The following MTBP variants were observed in gnomAD, a reference collection of about 807,000 sequenced individuals.
The protein encoded by MTBP is mdm2-binding protein.
In MTBP, 101 loss-of-function variants were observed where a neutral mutation model predicts 117.0. That is an observed-to-expected ratio of 0.86 (90% CI 0.73 to 1.02). The LOEUF (loss-of-function observed/expected upper bound fraction) is 1.02, where lower values mean the gene tolerates loss of function less well. Ranked by LOEUF, MTBP falls within the 50% of genes least tolerant of loss-of-function variation. The pLI, the probability that MTBP is intolerant of heterozygous loss-of-function variation, is 0.00. For synonymous variants in MTBP, 350 were observed against 351.5 expected (o/e 1.00, Z 0.05); for missense variants, 970 against 1,030.9 (o/e 0.94, Z 0.81).
At chr8:120,451,857 A>G (rs1255871563) in intron 4 of MTBP, 2 of 152,846 alleles carry the variant, frequency 1.3e-5, no homozygotes, top group Non-Finnish European at 2.9e-5. Flanking sequence ...TGCTGGGAGT[A>G]CAGCTGTGAG....
chr8:120,507,238 G>A (rs1268393698), intron 16 of MTBP, among the ~76,000 whole-genome samples: 1 of 152,040 alleles, frequency 6.6e-6, no homozygotes, highest in Non-Finnish European at 1.5e-5. Flanking sequence ...CTCAGCATGA[G>A]CATTGTCAGG....
chr8:120,452,639 GC>G (rs1813380027), intron 4 of MTBP: 1 of 151,960 alleles, frequency 6.6e-6, no homozygotes, highest in African/African-American at 2.4e-5. Flanking sequence ...GACCAGCCTG[GC>G]TAACATGGTG....
In MTBP at chr8:120,461,303, G is replaced by T. The variant is rs1316077125; in HGVS notation, c.977+48G>T. The stretch of plus-strand genomic sequence containing the variant: ...ATTTTAGATTACATTTTCTGTGTCA[G>T]GTAGAATGTTCTGGTATTGTCAGGT... On this transcript the variant is annotated intron_variant, in intron 9 of 21. Coordinates refer to ENST00000305949, the MANE Select transcript of MTBP (RefSeq NM_022045.5). 3.0e-6 allele frequency: 4 copies of T among 1,316,744 alleles called. No individual in the cohort carries two copies. The Admixed American group carries it at 5.2e-5, about 17-fold the overall frequency. The allele number at this position is 1,316,744 out of a possible 1,614,324, so 81.6% of individuals were successfully genotyped here. A position where few individuals can be genotyped will look rare whatever the true frequency, so the allele number is the denominator to read the frequency against.
At chr8:120,488,775 T>C (rs1814275292) in intron 12 of MTBP, among the ~76,000 whole-genome samples, 1 of 152,186 alleles carries the variant, frequency 6.6e-6, no homozygotes, top group Admixed American at 6.5e-5. Flanking sequence ...AGTTTATTAT[T>C]ATCTCTCGTG....
intron 14 of MTBP, 36 bp downstream of exon 14, chr8:120,497,590 G>C: frequency 1.1e-6 from 1 of 941,554 alleles, no homozygotes; most frequent in Non-Finnish European, 1.6e-6. Flanking sequence ...TAGTTCGTGT[G>C]TGTGTGGCAA....
At chr8:120,465,475 G>T (rs2130537454) in intron 10 of MTBP, among the ~76,000 whole-genome samples, 1 of 152,188 alleles carries the variant, frequency 6.6e-6, no homozygotes, top group Non-Finnish European at 1.5e-5. Context: ...ATAAATGATG[G>T]TTGCTAACTA....
At chr8:120,508,579 A>G (rs1163737559) in intron 16 of MTBP, among the ~76,000 whole-genome samples, 1 of 152,184 alleles carries the variant, frequency 6.6e-6, no homozygotes, top group Non-Finnish European at 1.5e-5. Flanking sequence ...TGAATTTTAC[A>G]TTTTAATGTA....
At position 120,445,536 on chromosome 8, in the gene MTBP, G is replaced by A. The variant is rs761104490; in HGVS notation, c.66G>A (p.Glu22=). Residue 22 remains glutamate (E), a synonymous_variant, in exon 1 of 22, where the codon GAG becomes GAA. Coordinates refer to ENST00000305949, the MANE Select transcript of MTBP (RefSeq NM_022045.5). The stretch of plus-strand genomic sequence containing the variant: ...AATTCCCGTCGGCGGCCAGTAGGGA[G>A]GCAGAACATGGGCCAGAGGTGTCGT... The part of the protein sequence containing the change: ...EGKFPSAASR[E]AEHGPEVSSG... The A allele has an allele frequency of 5.6e-6, 9 of 1,613,656 alleles. No individual in the cohort carries two copies. Among genetic ancestry groups the A allele is most frequent in the Non-Finnish European group, 7.6e-6 (9 of 1,179,854 alleles).
Position 120,509,919 on chromosome 8 carries a change from A to C in MTBP, c.1884-15A>C, listed in dbSNP as rs760067209. The C allele has an allele frequency of 6.3e-7, 1 of 1,585,044 alleles. No individual in the cohort carries two copies. The highest frequency in any genetic ancestry group is 1.8e-5 in the Admixed American group (1 of 56,838). On this transcript the variant is annotated splice_polypyrimidine_tract_variant and intron_variant, in intron 16 of 21. Coordinates refer to ENST00000305949, the MANE Select transcript of MTBP (RefSeq NM_022045.5). ...AAATAAACTTTGAATACAAATGAAA[A>C]ATTTTTTGTTTCAGGGAAAAGACTT...
chr8:120,461,221 C>A lies in MTBP; in HGVS notation c.943C>A (p.Pro315Thr), dbSNP rs376739969. Reference protein sequence around the residue: ...FVQMIKLSDLPSCYMSDIEFE... With the variant: ...FVQMIKLSDLTSCYMSDIEFE... ...GCAGATGATAAAATTATCAGATCTACCCTCCTGCTATATGTCGGATATTGA... is the reference window on the plus strand; with the variant it reads ...GCAGATGATAAAATTATCAGATCTAACCTCCTGCTATATGTCGGATATTGA... Residue 315 changes from proline (P) to threonine (T), a missense_variant, in exon 9 of 22, where the codon CCC (proline) becomes ACC (threonine). Pro to Thr is a conservative substitution (Grantham distance 38). Coordinates refer to ENST00000305949, the MANE Select transcript of MTBP (RefSeq NM_022045.5). 6 of 1,604,628 alleles carry A rather than the reference C, an allele frequency of 3.7e-6. No individual in the cohort carries two copies. Among genetic ancestry groups the A allele is most frequent in the Non-Finnish European group, 5.1e-6 (6 of 1,172,244 alleles).
At chr8:120,459,188 A>G in intron 7 of MTBP, 27 bp from the exon 8 acceptor site, 1 of 1,587,352 alleles carries the variant, frequency 6.3e-7, no homozygotes, top group Non-Finnish European at 8.6e-7. Flanking sequence ...TGATACTTGT[A>G]ACTGTGTTTT....
Position 120,523,479 on chromosome 8 carries a change from ATATT to A in MTBP, c.*144_*147del, listed in dbSNP as rs1194073061. 6.8e-6 allele frequency: 3 copies of A among 443,926 alleles called. No homozygotes were observed. The highest frequency in any genetic ancestry group is 4.1e-5 in the African/African-American group (2 of 48,872). The allele number at this position is 443,926 out of a possible 1,614,324, so 27.5% of individuals were successfully genotyped here. A position where few individuals can be genotyped will look rare whatever the true frequency, so the allele number is the denominator to read the frequency against. On this transcript the variant is annotated 3_prime_UTR_variant, in exon 22 of 22. Transcript: ENST00000305949. ...TATTTCTAAAGAATTTCATGAATAT[ATATT>A]CTATATTTGTATAGTTTGAGGGATG...
intron 2 of MTBP, among the ~76,000 whole-genome samples, chr8:120,447,907 T>G (rs1813261431): frequency 6.7e-6 from 1 of 149,438 alleles, no homozygotes; most frequent in African/African-American, 2.4e-5. Flanking sequence ...TGTATCAACT[T>G]CCAATGTTTT....
In MTBP at chr8:120,517,890, G is replaced by C. The variant is rs959139116; in HGVS notation, c.2286G>C (p.Gln762His). ...AAAGTTCAGAGTCTCTTCTTTCTCA[G>C]ACAACTGGTAATAGTAATCACTATC... Reference protein sequence around the residue: ...KSESSESLLSQTTGNSNHYHH... With the variant: ...KSESSESLLSHTTGNSNHYHH... The change falls in exon 19 of 22, where the codon CAG (glutamine) becomes CAC (histidine). Residue 762 changes from glutamine to histidine, a missense_variant. By Grantham distance (24) the Gln-to-His change is conservative (BLOSUM62 0). Transcript: ENST00000305949. The C allele has an allele frequency of 1.2e-6, 2 of 1,611,382 alleles. No individual in the cohort carries two copies.
intron 18 of MTBP, among the ~76,000 whole-genome samples, chr8:120,517,140 A>C (rs1318009700): frequency 6.6e-6 from 1 of 151,976 alleles, no homozygotes; most frequent in African/African-American, 2.4e-5. Context: ...CTATCTTGTA[A>C]AGGGAAAAAT....
At chr8:120,493,883 C>G (rs868598219) in intron 13 of MTBP, among the ~76,000 whole-genome samples, 1 of 152,150 alleles carries the variant, frequency 6.6e-6, no homozygotes, top group Non-Finnish European at 1.5e-5. Flanking sequence ...ACCAAACCAT[C>G]GGTAACTTTT....
At chr8:120,468,038 T>A (rs1563789743) in intron 10 of MTBP, among the ~76,000 whole-genome samples, 1 of 151,582 alleles carries the variant, frequency 6.6e-6, no homozygotes, top group Admixed American at 6.6e-5. Flanking sequence ...AACCGTACAG[T>A]CTGGTCACAT....
chr8:120,446,418 T>C lies in MTBP; in HGVS notation c.119-15T>C. On this transcript the variant is annotated splice_polypyrimidine_tract_variant and intron_variant, in intron 1 of 21. Coordinates refer to ENST00000305949, the MANE Select transcript of MTBP (RefSeq NM_022045.5). Reference sequence around the variant, plus strand: ...ATCTAGAGCCCTTTGAGTTAGTCTATCTTTTCTTTTTCAGACTTCACAGCA... The same window carrying C: ...ATCTAGAGCCCTTTGAGTTAGTCTACCTTTTCTTTTTCAGACTTCACAGCA... The C allele has an allele frequency of 1.3e-6, 2 of 1,547,622 alleles. No homozygotes were observed. The highest frequency in any genetic ancestry group is 1.4e-5 in the African/African-American group (1 of 73,652).
intron 1 of MTBP, 87 bp downstream of exon 1, chr8:120,445,675 A>G (rs1813209827): frequency 9.4e-7 from 1 of 1,069,130 alleles, no homozygotes; most frequent in South Asian, 1.5e-5. Context: ...CTGAAGAGGG[A>G]TCAATATGTA....
Sources: allele counts gnomAD v4.1 joint callset (sites outside exome capture counted in the v4.1 genomes callset), GRCh38; gene constraint gnomAD v4.1.1; transcripts MANE v1.5; gene names NCBI Gene and HGNC (gene_info 2026-07-23, HGNC 2026-07-21).